PRDM2: variants seen among roughly 807,000 people sequenced by gnomAD.
PRDM2 encodes PR/SET domain 2.
Under a neutral mutation model 130.0 loss-of-function variants are expected in PRDM2, and 30 were observed. The ratio of observed to expected loss-of-function variants is 0.23; its 90% CI spans 0.17 to 0.31. The LOEUF is 0.31. PRDM2 is among the 10% of genes least tolerant of loss of function. The pLI, the probability that PRDM2 is intolerant of heterozygous loss-of-function variation, is 1.00. For synonymous variants in PRDM2, 871 were observed against 782.4 expected (o/e 1.11, Z -1.89); for missense variants, 2,011 against 2,108.4 (o/e 0.95, Z 0.90).
At chr1:13,758,121 C>T (rs1349749934) in intron 6 of PRDM2, among the ~76,000 whole-genome samples, 1 of 151,996 alleles carries the variant, frequency 6.6e-6, no homozygotes, top group Non-Finnish European at 1.5e-5. Context: ...GGAACTTTTA[C>T]TGAGAGTACT....
intron 8 of PRDM2, among the ~76,000 whole-genome samples, chr1:13,812,698 T>C (rs980849739): frequency 7.2e-5 from 11 of 152,126 alleles, no homozygotes; most frequent in Admixed American, 3.3e-4. Flanking sequence ...CTGACCGAAG[T>C]GTTGACACAG....
intron 8 of PRDM2, chr1:13,787,841 T>C (rs1252484739): frequency 3.1e-6 from 3 of 982,632 alleles, no homozygotes; most frequent in Non-Finnish European, 3.6e-6. Context: ...CAATTTGACA[T>C]ACAAAAAGGG....
intron 6 of PRDM2, chr1:13,772,147 T>C (rs1644374095): frequency 6.6e-6 from 1 of 152,166 alleles, no homozygotes; most frequent in Non-Finnish European, 1.5e-5. Flanking sequence ...GGAGGATTGT[T>C]ACGGAAGAAT....
intron 8 of PRDM2, among the ~76,000 whole-genome samples, chr1:13,785,837 T>C (rs1384298272): frequency 2.7e-5 from 4 of 147,780 alleles, no homozygotes; most frequent in East Asian, 2.0e-4. Context: ...TTGGGTTCTT[T>C]TTTTTTTTTT....
chr1:13,789,018 C>A (rs1281938855), intron 8 of PRDM2, among the ~76,000 whole-genome samples: 1 of 152,170 alleles, frequency 6.6e-6, no homozygotes, highest in African/African-American at 2.4e-5. Context: ...TGCTGTCAGA[C>A]ACAAGCACTG....
chr1:13,753,892 C>G (rs2100554708), intron 6 of PRDM2, among the ~76,000 whole-genome samples: 1 of 152,320 alleles, frequency 6.6e-6, no homozygotes, highest in South Asian at 2.1e-4. Context: ...GTGTCAGGCA[C>G]TATTCTGGGT....
At chr1:13,785,196 TAAGTA>T (rs1328115815) in intron 8 of PRDM2, among the ~76,000 whole-genome samples, 1 of 152,224 alleles carries the variant, frequency 6.6e-6, no homozygotes, top group African/African-American at 2.4e-5. Flanking sequence ...TCTTTCTGTT[TAAGTA>T]TAGTTCTACT....
intron 6 of PRDM2, chr1:13,772,295 T>C (rs1012839238): frequency 6.6e-6 from 1 of 152,266 alleles, no homozygotes; most frequent in Non-Finnish European, 1.5e-5. Flanking sequence ...TTCAGTATTA[T>C]TACTCCTATA....
chr1:13,748,963 G>C (rs915181596), intron 5 of PRDM2, among the ~76,000 whole-genome samples: 11 of 152,150 alleles, frequency 7.2e-5, no homozygotes, highest in African/African-American at 2.7e-4. Flanking sequence ...TCAGCACTCC[G>C]CTTTCCACAC....
chr1:13,774,479 A>C (rs183186768), intron 7 of PRDM2, among the ~76,000 whole-genome samples: 1 of 152,338 alleles, frequency 6.6e-6, no homozygotes, highest in East Asian at 1.9e-4. Flanking sequence ...AAGAATAGTC[A>C]AGTTCATTTC....
intron 5 of PRDM2, among the ~76,000 whole-genome samples, chr1:13,743,386 C>G (rs546140768): frequency 9.4e-6 from 1 of 105,848 alleles, no homozygotes; most frequent in African/African-American, 3.8e-5. Flanking sequence ...GGTAACAGAG[C>G]AAGACTCTGT....
rs149606716 is a variant in PRDM2, at chr1:13,798,724, C to G, written c.5036+15893C>G. On this transcript the variant is annotated intron_variant, in intron 8 of 9. Coordinates refer to ENST00000311066, the MANE Select transcript of PRDM2 (RefSeq NM_001393986.1). ...GGGTCACCCTTTCTGTAGTACCAAG[C>G]TTGAATTTCATCTCCTGACACCTGA... 3.9e-5 allele frequency among the ~76,000 whole-genome samples: 6 copies of G among 152,296 alleles called. No individual in the cohort carries two copies. In the East Asian group the frequency reaches 9.7e-4, roughly 25 times the overall value.
In PRDM2 at chr1:13,781,194, CT is replaced by C. The variant is rs1644606135; in HGVS notation, c.3402del (p.Phe1134LeufsTer16). 6.2e-7 allele frequency: 1 copy of C among 1,614,062 alleles called. No individual in the cohort carries two copies. Among genetic ancestry groups the C allele is most frequent in the African/African-American group, 1.3e-5 (1 of 74,936 alleles). Reference sequence around the variant, plus strand: ...TTGTTCAGGAAACATTCAACAAAAACTTTGTTTGCAACGTCTGTGAATCACC... The same window carrying C: ...TTGTTCAGGAAACATTCAACAAAAACTTGTTTGCAACGTCTGTGAATCACC... Reference protein sequence around the residue: ...VVVQETFNKNFVCNVCESPFL... With the variant: ...VVVQETFNKNXVCNVCESPFL... On this transcript the variant is annotated frameshift_variant, in exon 8 of 10. Coordinates refer to ENST00000311066, the MANE Select transcript of PRDM2 (RefSeq NM_001393986.1). LOFTEE classifies it high-confidence loss of function. This position sits in a 1 kb window ranked among gnomAD's most constrained non-coding sequence, Gnocchi z 6.1.
In PRDM2 at chr1:13,823,259, G is replaced by A; in HGVS notation, c.*124G>A. 2.6e-6 allele frequency: 4 copies of A among 1,522,070 alleles called. No homozygotes were observed. The highest frequency in any genetic ancestry group is 3.6e-6 in the Non-Finnish European group (4 of 1,100,256). 94.3% of individuals were successfully genotyped at this position (1,522,070 alleles called of 1,614,324 possible). A position where few individuals can be genotyped will look rare whatever the true frequency, so the allele number is the denominator to read the frequency against. ...GTTGTGTGAGGCTGCGAGAGAAAGG[G>A]AGTGCATGTGCGCGCGTGCATGTGT... On this transcript the variant is annotated 3_prime_UTR_variant, in exon 10 of 10. Transcript: ENST00000311066.
At chr1:13,724,350 C>A (rs930179254) in intron 2 of PRDM2, among the ~76,000 whole-genome samples, 4 of 152,116 alleles carry the variant, frequency 2.6e-5, no homozygotes, top group Admixed American at 2.0e-4. Flanking sequence ...AGCAGTGAAA[C>A]CCTTCAAATG....
intron 6 of PRDM2, among the ~76,000 whole-genome samples, chr1:13,765,028 T>TG (rs1644190334): frequency 6.6e-6 from 1 of 152,264 alleles, no homozygotes; most frequent in Non-Finnish European, 1.5e-5. Flanking sequence ...AACTAACTGT[T>TG]GCAGTGTCTT....
chr1:13,725,031 C>G (rs1434917780), intron 2 of PRDM2, among the ~76,000 whole-genome samples: 3 of 152,116 alleles, frequency 2.0e-5, no homozygotes, highest in African/African-American at 7.2e-5. Flanking sequence ...CTTCTTAGCC[C>G]TGAGAGGGGA....
intron 6 of PRDM2, among the ~76,000 whole-genome samples, chr1:13,767,542 G>A (rs1245725468): frequency 6.6e-6 from 1 of 150,962 alleles, no homozygotes; most frequent in East Asian, 2.0e-4. Flanking sequence ...CTAAGCTTAA[G>A]CAATCTGCCT....
chr1:13,821,193 T>G (rs1645345327), intron 9 of PRDM2, among the ~76,000 whole-genome samples: 1 of 152,174 alleles, frequency 6.6e-6, no homozygotes, highest in Admixed American at 6.5e-5. Context: ...CTCATGGGTT[T>G]GTTGAGAAGA....
Sources: allele counts gnomAD v4.1 joint callset (sites outside exome capture counted in the v4.1 genomes callset), GRCh38; gene constraint gnomAD v4.1.1; non-coding constraint Gnocchi (gnomAD v3.1); transcripts MANE v1.5; gene names NCBI Gene and HGNC (gene_info 2026-07-23, HGNC 2026-07-21).